Variants in RUSC2 observed in about 807,000 individuals in gnomAD.
RUSC2 encodes the protein RUN and SH3 domain containing 2.
RUSC2 carries 34 observed loss-of-function variants against 122.2 expected under a neutral mutation model. That is an observed-to-expected ratio of 0.28 (90% CI 0.21 to 0.37). The LOEUF is 0.37. Among genes scored for constraint, RUSC2 ranks in the 10% least tolerant of loss-of-function variants. RUSC2 has a pLI of 1.00. For synonymous variants in RUSC2, 784 were observed against 790.0 expected (o/e 0.99, Z 0.13); for missense variants, 1,747 against 1,952.4 (o/e 0.89, Z 1.98).
chr9:35,493,117 A>G (rs926488057), intron 1 of RUSC2, among the ~76,000 whole-genome samples: 2 of 152,090 alleles, frequency 1.3e-5, no homozygotes, highest in Non-Finnish European at 2.9e-5. Flanking sequence ...CCCAATAGTT[A>G]TCTTTTCTGC....
At chr9:35,510,708 C>T (rs907529432) in intron 1 of RUSC2, among the ~76,000 whole-genome samples, 4 of 152,178 alleles carry the variant, frequency 2.6e-5, no homozygotes, top group African/African-American at 9.7e-5. Flanking sequence ...GCCGCAGATT[C>T]CTTCAAACGT....
At chr9:35,545,709 C>T in intron 1 of RUSC2, among the ~76,000 whole-genome samples, 1 of 152,080 alleles carries the variant, frequency 6.6e-6, no homozygotes, top group East Asian at 1.9e-4. Flanking sequence ...AACTAGGTCC[C>T]CCCACCCCCA....
At chr9:35,543,013 A>C (rs1427650630) in intron 1 of RUSC2, among the ~76,000 whole-genome samples, 1 of 152,172 alleles carries the variant, frequency 6.6e-6, no homozygotes, top group Non-Finnish European at 1.5e-5. Context: ...GTACCCCTAA[A>C]ATTACTGCTA....
Position 35,548,318 on chromosome 9 carries a change from C to T in RUSC2, c.1797C>T (p.Pro599=). 2 of 1,614,106 alleles carry T rather than the reference C, an allele frequency of 1.2e-6. No individual in the cohort carries two copies. Among genetic ancestry groups the T allele is most frequent in the Non-Finnish European group, 1.7e-6 (2 of 1,180,044 alleles). The change falls in exon 2 of 12, where the codon CCC becomes CCT. Residue 599 remains proline (P), a synonymous_variant. Coordinates refer to ENST00000361226, the MANE Select transcript of RUSC2 (RefSeq NM_014806.5). This position sits in a 1 kb window ranked among gnomAD's most constrained non-coding sequence, Gnocchi z 4.5. ...CTTGCTGTAGCCATAGCCTGCCACCCATGCCTTTGGGGCCAGGCATGGACC... is the reference window on the plus strand; with the variant it reads ...CTTGCTGTAGCCATAGCCTGCCACCTATGCCTTTGGGGCCAGGCATGGACC... The part of the protein sequence containing the change: ...EGTCCSHSLP[P]MPLGPGMDLL...
At chr9:35,523,573 T>C (rs1333895717) in intron 1 of RUSC2, among the ~76,000 whole-genome samples, 1 of 152,058 alleles carries the variant, frequency 6.6e-6, no homozygotes, top group Non-Finnish European at 1.5e-5. Context: ...CCTGTCACTT[T>C]GGGAGGCTGA....
chr9:35,559,116 C>A, intron 8 of RUSC2, 110 bp from the exon 9 acceptor site: 2 of 857,508 alleles, frequency 2.3e-6, no homozygotes, highest in South Asian at 1.4e-5. Context: ...ATGAATCGTG[C>A]CATGGAAGGG....
intron 2 of RUSC2, chr9:35,549,086 G>A: frequency 4.1e-6 from 4 of 985,234 alleles, no homozygotes; most frequent in Non-Finnish European, 4.8e-6. Flanking sequence ...AGGACTTAGA[G>A]GCTGACATAT....
chr9:35,515,021 G>A (rs1222289247), intron 1 of RUSC2, among the ~76,000 whole-genome samples: 1 of 152,142 alleles, frequency 6.6e-6, no homozygotes, highest in Non-Finnish European at 1.5e-5. Context: ...GTACCTAGCC[G>A]AATATCAGGG....
Position 35,546,779 on chromosome 9 carries a change from T to C in RUSC2, c.258T>C (p.Ser86=), listed in dbSNP as rs769324060. ...GTARSIDSTK[S]RSRDGRGPGA... is the part of the protein sequence containing the mutation. ...CACGGTCTATAGACAGCACCAAGAG[T>C]AGGAGTCGGGATGGAAGAGGCCCTG... is the stretch of plus-strand genomic sequence containing the variant. The change falls in exon 2 of 12, where the codon AGT becomes AGC. Residue 86 remains serine, a synonymous_variant. Transcript: ENST00000361226. The surrounding 1 kb of genome is among the most constrained non-coding windows in gnomAD (Gnocchi z 4.3). 5.6e-6 allele frequency: 9 copies of C among 1,605,996 alleles called. No individual in the cohort carries two copies. The South Asian group carries it at 9.0e-5, about 16-fold the overall frequency.
At chr9:35,499,288 CAAAAACA>C in intron 1 of RUSC2, among the ~76,000 whole-genome samples, 1 of 151,680 alleles carries the variant, frequency 6.6e-6, no homozygotes, top group East Asian at 1.9e-4. Flanking sequence ...CTCTCAAAAA[CAAAAACA>C]AAAAACAAAA....
chr9:35,504,623 G>A (rs997726609), intron 1 of RUSC2, among the ~76,000 whole-genome samples: 13 of 151,992 alleles, frequency 8.6e-5, no homozygotes, highest in South Asian at 2.1e-4. Flanking sequence ...GCGCCACCAC[G>A]CCCAGCTAAT....
At chr9:35,513,866 A>T (rs1014526078) in intron 1 of RUSC2, among the ~76,000 whole-genome samples, 16 of 137,650 alleles carry the variant, frequency 1.2e-4, no homozygotes, top group African/African-American at 4.0e-4. Flanking sequence ...TGTTTTAAAT[A>T]GTATTTTTTT....
At chr9:35,510,065 T>A (rs933572010) in intron 1 of RUSC2, among the ~76,000 whole-genome samples, 2 of 152,318 alleles carry the variant, frequency 1.3e-5, no homozygotes, top group African/African-American at 4.8e-5. Flanking sequence ...AGTAGTTTGT[T>A]AATTGAAGTG....
At chr9:35,525,935 T>A (rs916133996) in intron 1 of RUSC2, among the ~76,000 whole-genome samples, 1 of 151,954 alleles carries the variant, frequency 6.6e-6, no homozygotes, top group Non-Finnish European at 1.5e-5. Flanking sequence ...AGAAAAGAAA[T>A]ACAAAAATTA....
chr9:35,528,908 A>T (rs554297217), intron 1 of RUSC2, among the ~76,000 whole-genome samples: 1 of 152,304 alleles, frequency 6.6e-6, no homozygotes, highest in South Asian at 2.1e-4. Flanking sequence ...CAACATAATG[A>T]GACCCCCATC....
chr9:35,498,587 G>T (rs150865083), intron 1 of RUSC2, among the ~76,000 whole-genome samples: 1 of 151,810 alleles, frequency 6.6e-6, no homozygotes, highest in Non-Finnish European at 1.5e-5. Flanking sequence ...GGCCAGGCGC[G>T]GTGGCTCACG....
At chr9:35,535,412 G>C (rs552698935) in intron 1 of RUSC2, among the ~76,000 whole-genome samples, 1 of 147,762 alleles carries the variant, frequency 6.8e-6, no homozygotes, top group African/African-American at 2.5e-5. Context: ...CACCGCTCCC[G>C]GCCGCCTAAG....
At chr9:35,496,329 G>A (rs1820712328) in intron 1 of RUSC2, among the ~76,000 whole-genome samples, 1 of 152,138 alleles carries the variant, frequency 6.6e-6, no homozygotes, top group African/African-American at 2.4e-5. Context: ...ATCACCAGTT[G>A]AGCCATAAAT....
At position 35,524,787 on chromosome 9, in the gene RUSC2, C is replaced by T. The variant is rs559008057; in HGVS notation, c.-92-21643C>T. 9.7e-4 allele frequency among the ~76,000 whole-genome samples: 147 copies of T among 152,036 alleles called. 1 individual carries two copies. The highest frequency in any genetic ancestry group is 3.2e-3 in the African/African-American group (132 of 41,488). On this transcript the variant is annotated intron_variant, in intron 1 of 11. Coordinates refer to ENST00000361226, the MANE Select transcript of RUSC2 (RefSeq NM_014806.5). ...GAGATCGAGACCATCCTGGGTAACA[C>T]GGTGAAACCCCGTCTCTACTAAAAA...
Sources: gnomAD v4.1 joint callset for allele counts (sites outside exome capture counted in the v4.1 genomes callset) on GRCh38, gnomAD v4.1.1 for gene constraint, Gnocchi (gnomAD v3.1) non-coding constraint, MANE v1.5 for transcripts, NCBI Gene and HGNC (gene_info 2026-07-23, HGNC 2026-07-21) for gene names.